Variants in KANK3 observed in about 807,000 individuals in gnomAD.
The protein encoded by KANK3 is KN motif and ankyrin repeat domain-containing protein 3.
In KANK3, 61 loss-of-function variants were observed where a neutral mutation model predicts 65.4. That is an observed-to-expected ratio of 0.93 (90% confidence interval 0.76 to 1.15). The LOEUF (loss-of-function observed/expected upper bound fraction) is 1.15, where lower values mean the gene tolerates loss of function less well. KANK3 is among the 50% of genes most tolerant of loss of function. KANK3 has a pLI of 0.00. For missense variants in KANK3, 1,187 were observed against 1,178.8 expected, an observed-to-expected ratio of 1.01 and a Z score of -0.10; for synonymous variants, 586 against 543.3, an observed-to-expected ratio of 1.08 and a Z score of -1.09.
At chr19:8,329,678 G>A (rs1000135896) in intron 7 of KANK3, among the ~76,000 whole-genome samples, 1 of 151,950 alleles carries the variant, frequency 6.6e-6, no homozygotes, top group African/African-American at 2.4e-5. Context: ...AGAGTGGGCC[G>A]CTTTCCAGGG....
At chr19:8,340,507 C>T (rs1248773196) in intron 1 of KANK3, among the ~76,000 whole-genome samples, 1 of 152,044 alleles carries the variant, frequency 6.6e-6, no homozygotes, top group Non-Finnish European at 1.5e-5. Flanking sequence ...TTTACCTGTC[C>T]AGTCCTCCAC....
In KANK3 at chr19:8,323,148, T is replaced by A. The variant is rs147005998; in HGVS notation, c.2383-226A>T. The A allele has an allele frequency of 6.3e-4, 246 of 389,410 alleles. No homozygotes were observed. In the East Asian group the frequency reaches 9.3e-3, roughly 15 times the overall value. 24.1% of individuals were successfully genotyped at this position (389,410 alleles called of 1,614,324 possible). The stretch of plus-strand genomic sequence containing the variant: ...GTTCCTCAGTTTACAATGGGTTACA[T>A]TCCGGTGAGTACATCATAGGTTGAA... On this transcript the variant is annotated intron_variant, in intron 10 of 10. Coordinates refer to ENST00000330915, the MANE Select transcript of KANK3 (RefSeq NM_198471.3).
intron 1 of KANK3, among the ~76,000 whole-genome samples, chr19:8,338,339 TG>T (rs1253358333): frequency 6.6e-6 from 1 of 151,918 alleles, no homozygotes; most frequent in Non-Finnish European, 1.5e-5. Flanking sequence ...AAACTTTGGA[TG>T]GAATGAATGA....
chr19:8,333,361 C>G lies in KANK3; in HGVS notation c.1720-131G>C, dbSNP rs1659815643. On this transcript the variant is annotated intron_variant, in intron 6 of 10. Transcript: ENST00000330915. This position sits in a 1 kb window ranked among gnomAD's most constrained non-coding sequence, Gnocchi z 5.0. ...CAGGCAAGTAAGGAAGGTCACTCCT[C>G]GTCCAGGTGGGGAGCCATGCGAACC... The G allele has an allele frequency of 2.7e-6, 2 of 742,578 alleles. No homozygotes were observed. Among genetic ancestry groups the G allele is most frequent in the Admixed American group, 2.8e-5 (1 of 35,576 alleles). 46.0% of individuals were successfully genotyped at this position (742,578 alleles called of 1,614,324 possible).
intron 1 of KANK3, among the ~76,000 whole-genome samples, chr19:8,340,437 G>A (rs1239706206): frequency 2.0e-5 from 3 of 151,998 alleles, no homozygotes; most frequent in African/African-American, 7.3e-5. Flanking sequence ...CCCTCAGATT[G>A]GGCTCTGCCC....
rs536790512 is a variant in KANK3, at chr19:8,334,956, C to A, written c.871G>T (p.Val291Phe). Residue 291 changes from valine to phenylalanine, a missense_variant, in exon 3 of 11, where the codon GTC becomes TTC. Physicochemically the swap from Val to Phe is conservative, Grantham distance 50. This residue lies in a region of KANK3 where 1,078 missense variants were observed against 1,038.2 expected (regional missense o/e 1.04). Coordinates refer to ENST00000330915, the MANE Select transcript of KANK3 (RefSeq NM_198471.3). ...EGALQVLDGE[V>F]GSLDGTPQTR... ...TGGGGCGTCCCATCGAGACTCCCGA[C>A]CTCCCCGTCGAGGACCTGGAGCGCG... 30 of 1,493,838 alleles carry A rather than the reference C, an allele frequency of 2.0e-5. No homozygotes were observed. The African/African-American group carries it at 3.8e-4, about 19-fold the overall frequency. 92.5% of individuals were successfully genotyped at this position (1,493,838 alleles called of 1,614,324 possible).
intron 8 of KANK3, 46 bp from the exon 9 acceptor site, chr19:8,324,876 G>T: frequency 6.2e-7 from 1 of 1,602,254 alleles, no homozygotes; most frequent in Non-Finnish European, 8.5e-7. Context: ...TAGGCTCAGG[G>T]AAGGGAGGTC....
At position 8,322,928 on chromosome 19, in the gene KANK3, G is replaced by A; in HGVS notation, c.2383-6C>T. The A allele has an allele frequency of 6.9e-7, 1 of 1,447,044 alleles. No homozygotes were observed. The highest frequency in any genetic ancestry group is 1.3e-5 in the South Asian group (1 of 76,130). 89.6% of individuals were successfully genotyped at this position (1,447,044 alleles called of 1,614,324 possible). ...GAGCCAGGGGGTGACTCGCTCTGGA[G>A]AGAGGGGAAAAGAGGGGGGCCTGCT... On this transcript the variant is annotated splice_region_variant and splice_polypyrimidine_tract_variant and intron_variant, in intron 10 of 10. Coordinates refer to ENST00000330915, the MANE Select transcript of KANK3 (RefSeq NM_198471.3).
At chr19:8,325,129 G>GCCAACAC in intron 7 of KANK3, 33 bp from the exon 8 acceptor site, 1 of 1,586,232 alleles carries the variant, frequency 6.3e-7, no homozygotes, top group Non-Finnish European at 8.6e-7. Flanking sequence ...CCACGGAGAT[G>GCCAACAC]CCAACACCGC....
At chr19:8,330,939 T>A (rs1408588168) in intron 7 of KANK3, among the ~76,000 whole-genome samples, 1 of 151,658 alleles carries the variant, frequency 6.6e-6, no homozygotes, top group Non-Finnish European at 1.5e-5. Context: ...GGCTAATGCT[T>A]GTAATCCCAG....
At position 8,334,048 on chromosome 19, in the gene KANK3, G is replaced by T. The variant is rs747587644; in HGVS notation, c.1496C>A (p.Pro499His). ...CCCGGAGCCCGAGGAGCTACCCGGG[G>T]GCTCGGCGCCACCGTTCTCGCTGTC... is the stretch of plus-strand genomic sequence containing the variant. ...DGDSENGGAE[P>H]PGSSSGSGDD... is the part of the protein sequence containing the mutation. Residue 499 changes from proline (P) to histidine (H), a missense_variant, in exon 5 of 11, where the codon CCC (proline) becomes CAC (histidine). Around this residue, in one of 3 missense-constraint regions of KANK3, gnomAD observed 1,078 missense variants for 1,038.2 expected, o/e 1.04. Transcript: ENST00000330915. 1 of 1,541,620 alleles carries T rather than the reference G, an allele frequency of 6.5e-7. No individual in the cohort carries two copies. The highest frequency in any genetic ancestry group is 8.7e-7 in the Non-Finnish European group (1 of 1,148,732).
intron 1 of KANK3, among the ~76,000 whole-genome samples, chr19:8,340,335 C>G (rs1970710133): frequency 6.6e-6 from 1 of 150,846 alleles, no homozygotes; most frequent in Non-Finnish European, 1.5e-5. Context: ...CCATACAACA[C>G]TTTGCATACT....
In KANK3 at chr19:8,333,779, G is replaced by C. The variant is rs1347056484; in HGVS notation, c.1664C>G (p.Ala555Gly). ...RCELSPRLRE[A>G]CVALQRQLSR... ...CAGCTGCCGCTGCAGCGCTACGCAC[G>C]CCTCCCTCAGACGCGGGCTCAGCTC... Residue 555 changes from alanine to glycine, a missense_variant, in exon 6 of 11, where the codon GCG becomes GGG. Around this residue, in one of 3 missense-constraint regions of KANK3, gnomAD observed 1,078 missense variants for 1,038.2 expected, o/e 1.04. Coordinates refer to ENST00000330915, the MANE Select transcript of KANK3 (RefSeq NM_198471.3). This position sits in a 1 kb window ranked among gnomAD's most constrained non-coding sequence, Gnocchi z 5.0. The C allele has an allele frequency of 3.6e-5, 54 of 1,516,106 alleles. No homozygotes were observed. Among genetic ancestry groups the C allele is most frequent in the South Asian group, 1.8e-4 (15 of 81,450 alleles). The allele number at this position is 1,516,106 out of a possible 1,614,324, so 93.9% of individuals were successfully genotyped here. A position where few individuals can be genotyped will look rare whatever the true frequency, so the allele number is the denominator to read the frequency against.
In KANK3 at chr19:8,333,703, C is replaced by T; in HGVS notation, c.1719+21G>A. ...GAGGCTCCCACGCCACTCCCTGGTG[C>T]TGCGCTCCCGGGGCACTCACGCCGT... On this transcript the variant is annotated intron_variant, in intron 6 of 10. Coordinates refer to ENST00000330915, the MANE Select transcript of KANK3 (RefSeq NM_198471.3). The surrounding 1 kb of genome is among the most constrained non-coding windows in gnomAD (Gnocchi z 5.0). The T allele has an allele frequency of 6.9e-7, 1 of 1,441,610 alleles. No homozygotes were observed. The highest frequency in any genetic ancestry group is 9.1e-7 in the Non-Finnish European group (1 of 1,096,072). The allele number at this position is 1,441,610 out of a possible 1,614,324, so 89.3% of individuals were successfully genotyped here.
intron 2 of KANK3, among the ~76,000 whole-genome samples, chr19:8,335,993 AC>A (rs1970631384): frequency 1.3e-5 from 2 of 152,254 alleles, no homozygotes; most frequent in Admixed American, 1.3e-4. Flanking sequence ...AGTGAGCAAG[AC>A]AAACATCCCT....
chr19:8,333,945 C>G lies in KANK3; in HGVS notation c.1599G>C (p.Glu533Asp), dbSNP rs1970578543. 3.8e-6 allele frequency: 6 copies of G among 1,571,228 alleles called. No homozygotes were observed. Among genetic ancestry groups the G allele is most frequent in the Non-Finnish European group, 5.2e-6 (6 of 1,162,258 alleles). Residue 533 changes from glutamate to aspartate, a missense_variant, in exon 5 of 11, where the codon GAG (glutamate) becomes GAC (aspartate). This residue lies in a region of KANK3 where 1,078 missense variants were observed against 1,038.2 expected (regional missense o/e 1.04). Coordinates refer to ENST00000330915, the MANE Select transcript of KANK3 (RefSeq NM_198471.3). The surrounding 1 kb of genome is among the most constrained non-coding windows in gnomAD (Gnocchi z 5.0). ...SGGDIRDPEP[E>D]AEAEPQQVAQ... ...CCACCTGCTGAGGCTCTGCCTCCGCCTCGGGCTCAGGGTCCCGGATGTCCC... is the reference window on the plus strand; with the variant it reads ...CCACCTGCTGAGGCTCTGCCTCCGCGTCGGGCTCAGGGTCCCGGATGTCCC...
chr19:8,332,475 G>A (rs35210193), intron 7 of KANK3, among the ~76,000 whole-genome samples: 24,162 of 151,576 alleles, frequency 0.16, 2,190 homozygotes, highest in Non-Finnish European at 0.21. Context: ...ACCATGCCTG[G>A]CTCAGAGGGC....
At chr19:8,340,024 G>C (rs1310229451) in intron 1 of KANK3, among the ~76,000 whole-genome samples, 2 of 150,620 alleles carry the variant, frequency 1.3e-5, no homozygotes, top group South Asian at 2.1e-4. Context: ...CATGGAGTGG[G>C]AAAGATGGGC....
At chr19:8,325,497 T>C (rs113727896) in intron 7 of KANK3, among the ~76,000 whole-genome samples, 1 of 151,606 alleles carries the variant, frequency 6.6e-6, no homozygotes, top group Non-Finnish European at 1.5e-5. Context: ...AGTCTCGAAC[T>C]CCTGACCTCA....
Sources: allele counts gnomAD v4.1 joint callset (sites outside exome capture counted in the v4.1 genomes callset), GRCh38; gene constraint gnomAD v4.1.1; regional missense constraint gnomAD v4.1.1; non-coding constraint Gnocchi (gnomAD v3.1); transcripts MANE v1.5; gene names NCBI Gene and HGNC (gene_info 2026-07-23, HGNC 2026-07-21).